The following SKAP1 variants were observed in gnomAD, a reference collection of about 807,000 sequenced individuals.
The protein encoded by SKAP1 is src kinase-associated phosphoprotein 1.
A neutral mutation model predicts 58.5 loss-of-function variants in SKAP1; 44 were observed. The ratio of observed to expected loss-of-function variants is 0.75; its 90% CI spans 0.59 to 0.97. The LOEUF (loss-of-function observed/expected upper bound fraction) is 0.97. Among genes scored for constraint, SKAP1 ranks in the 50% least tolerant of loss-of-function variants. SKAP1 has a pLI of 0.00. For synonymous variants in SKAP1, 127 were observed against 149.7 expected (o/e 0.85, Z 1.11); for missense variants, 390 against 435.2 (o/e 0.90, Z 0.92).
intron 1 of SKAP1, among the ~76,000 whole-genome samples, chr17:48,399,025 G>GAAAC (rs200735694): frequency 1.3e-5 from 2 of 151,002 alleles, no homozygotes; most frequent in African/African-American, 4.8e-5. Flanking sequence ...GTCTCAAAAA[G>GAAAC]AAACAAACAA....
chr17:48,194,457 G>C (rs996419504), intron 4 of SKAP1, among the ~76,000 whole-genome samples: 10 of 152,094 alleles, frequency 6.6e-5, no homozygotes, highest in Admixed American at 5.9e-4. Flanking sequence ...AAAAAGACAC[G>C]AGAGCTTATG....
At chr17:48,173,799 C>A (rs2064250163) in intron 9 of SKAP1, among the ~76,000 whole-genome samples, 1 of 152,174 alleles carries the variant, frequency 6.6e-6, no homozygotes, top group African/African-American at 2.4e-5. Flanking sequence ...TGCTGCTACT[C>A]CACCTCCTTC....
chr17:48,160,471 G>T (rs1481595062), intron 11 of SKAP1, among the ~76,000 whole-genome samples: 3 of 145,768 alleles, frequency 2.1e-5, no homozygotes, highest in Non-Finnish European at 3.0e-5. Context: ...AGGGGAAGAG[G>T]TTTTTTTTTT....
chr17:48,145,380 A>C (rs1351208618), intron 11 of SKAP1, among the ~76,000 whole-genome samples: 1 of 151,364 alleles, frequency 6.6e-6, no homozygotes, highest in Non-Finnish European at 1.5e-5. Flanking sequence ...CAGATTTCAC[A>C]CTGCCATAAA....
intron 4 of SKAP1, among the ~76,000 whole-genome samples, chr17:48,223,419 T>C (rs1391821804): frequency 6.6e-6 from 1 of 152,206 alleles, no homozygotes; most frequent in Non-Finnish European, 1.5e-5. Context: ...CTGAATTATG[T>C]GTCCACTCCC....
intron 4 of SKAP1, among the ~76,000 whole-genome samples, chr17:48,304,566 G>T (rs1466085752): frequency 6.6e-6 from 1 of 152,158 alleles, no homozygotes; most frequent in Non-Finnish European, 1.5e-5. Context: ...GACTAAACAT[G>T]AGCAACACAA....
intron 4 of SKAP1, among the ~76,000 whole-genome samples, chr17:48,247,183 A>G (rs904617405): frequency 1.3e-5 from 2 of 152,190 alleles, no homozygotes; most frequent in Non-Finnish European, 2.9e-5. Context: ...TTCACTTCCA[A>G]GTATGCACAC....
At chr17:48,182,722 C>T (rs1178424365) in intron 7 of SKAP1, among the ~76,000 whole-genome samples, 1 of 152,164 alleles carries the variant, frequency 6.6e-6, no homozygotes, top group Admixed American at 6.5e-5. Flanking sequence ...TTATCTATTC[C>T]TTCATCAGAC....
intron 4 of SKAP1, among the ~76,000 whole-genome samples, chr17:48,345,617 C>T (rs1174706243): frequency 2.0e-5 from 3 of 152,050 alleles, no homozygotes; most frequent in Non-Finnish European, 2.9e-5. Flanking sequence ...TCTTAAAATG[C>T]CCTCTTAGCT....
intron 2 of SKAP1, among the ~76,000 whole-genome samples, chr17:48,364,844 G>A (rs918231871): frequency 1.3e-5 from 2 of 152,070 alleles, no homozygotes; most frequent in African/African-American, 4.8e-5. Flanking sequence ...ATTATTTTGG[G>A]AAATAATTGG....
chr17:48,277,179 T>C lies in SKAP1; in HGVS notation c.280+68726A>G, dbSNP rs59185246. ...AAAATTAAGAGAATGCTTTCAATTT[T>C]CCAAAGGTTAGGAAAACAAAGTACA... On this transcript the variant is annotated intron_variant, in intron 4 of 12. Coordinates refer to ENST00000336915, the MANE Select transcript of SKAP1 (RefSeq NM_003726.4). 5.9e-3 allele frequency among the ~76,000 whole-genome samples: 897 copies of C among 152,362 alleles called. 11 individuals are homozygous for C. Among genetic ancestry groups the C allele is most frequent in the African/African-American group, 0.021 (858 of 41,580 alleles).
chr17:48,404,748 G>T (rs561943855), intron 1 of SKAP1, among the ~76,000 whole-genome samples: 2 of 152,074 alleles, frequency 1.3e-5, no homozygotes, highest in East Asian at 3.9e-4. Flanking sequence ...CATAAAATAA[G>T]ATGACAATAG....
chr17:48,248,341 T>C (rs537769249), intron 4 of SKAP1, among the ~76,000 whole-genome samples: 1 of 152,182 alleles, frequency 6.6e-6, no homozygotes, highest in East Asian at 1.9e-4. Context: ...CCGAGGCGGT[T>C]GGATCATCTG....
At chr17:48,343,159 T>A (rs1311017356) in intron 4 of SKAP1, among the ~76,000 whole-genome samples, 2 of 152,132 alleles carry the variant, frequency 1.3e-5, no homozygotes, top group African/African-American at 4.8e-5. Context: ...CTCACTGCAT[T>A]TTTCACCTGC....
intron 4 of SKAP1, among the ~76,000 whole-genome samples, chr17:48,265,287 C>T (rs1259644603): frequency 1.3e-5 from 2 of 152,024 alleles, no homozygotes; most frequent in Non-Finnish European, 2.9e-5. Context: ...AGGCGGATCA[C>T]GAGGTCAGGA....
intron 4 of SKAP1, among the ~76,000 whole-genome samples, chr17:48,259,122 C>G (rs1362983641): frequency 1.3e-5 from 2 of 151,972 alleles, no homozygotes; most frequent in Non-Finnish European, 2.9e-5. Context: ...GGGGACTCTA[C>G]AGTACATGCT....
At chr17:48,361,182 TC>T (rs2066933113) in intron 3 of SKAP1, among the ~76,000 whole-genome samples, 1 of 151,918 alleles carries the variant, frequency 6.6e-6, no homozygotes, top group African/African-American at 2.4e-5. Context: ...GTGAATTATA[TC>T]TTGATAAGGC....
intron 10 of SKAP1, among the ~76,000 whole-genome samples, chr17:48,169,802 G>A (rs761367057): frequency 7.2e-5 from 11 of 152,166 alleles, no homozygotes; most frequent in Non-Finnish European, 1.6e-4. Flanking sequence ...GAGCAGGGAG[G>A]GAAAGAGGGC....
At chr17:48,313,978 G>T (rs1415636714) in intron 4 of SKAP1, among the ~76,000 whole-genome samples, 1 of 152,074 alleles carries the variant, frequency 6.6e-6, no homozygotes, top group Non-Finnish European at 1.5e-5. Flanking sequence ...TGATTTAAAA[G>T]CAAAACTAAG....
Sources: gnomAD v4.1 joint callset for allele counts (sites outside exome capture counted in the v4.1 genomes callset) on GRCh38, gnomAD v4.1.1 for gene constraint, MANE v1.5 for transcripts, NCBI Gene and HGNC (gene_info 2026-07-23, HGNC 2026-07-21) for gene names.